Variants in PDE10A observed in about 807,000 individuals in gnomAD.
The protein encoded by PDE10A is phosphodiesterase 10A.
A neutral mutation model predicts 97.7 loss-of-function variants in PDE10A; 39 were observed. The observed-to-expected ratio is 0.40, with a 90% CI of 0.31 to 0.52. PDE10A has a LOEUF of 0.52. PDE10A is among the 20% of genes least tolerant of loss of function. PDE10A has a pLI of 0.56. For synonymous variants in PDE10A, 371 were observed against 376.8 expected, an observed-to-expected ratio of 0.98 and a Z score of 0.18; for missense variants, 731 against 1,047.8, an observed-to-expected ratio of 0.70 and a Z score of 4.17.
intron 1 of PDE10A, among the ~76,000 whole-genome samples, chr6:165,933,700 T>C (rs866698857): frequency 2.0e-4 from 31 of 152,334 alleles, no homozygotes; most frequent in Non-Finnish European, 1.0e-4. Context: ...TTTCATAGAA[T>C]ATACACATCT....
At chr6:165,598,169 A>G (rs1354720141) in intron 1 of PDE10A, among the ~76,000 whole-genome samples, 1 of 152,254 alleles carries the variant, frequency 6.6e-6, no homozygotes, top group East Asian at 1.9e-4. Context: ...TACAATACCA[A>G]CATACATTTT....
intron 17 of PDE10A, among the ~76,000 whole-genome samples, chr6:165,380,002 G>A (rs1365791619): frequency 6.6e-6 from 1 of 152,184 alleles, no homozygotes; most frequent in Non-Finnish European, 1.5e-5. Flanking sequence ...CCCAAGGGAG[G>A]TGGGAATGGC....
intron 1 of PDE10A, among the ~76,000 whole-genome samples, chr6:165,889,344 T>G (rs1040378326): frequency 1.3e-5 from 2 of 152,238 alleles, no homozygotes; most frequent in Admixed American, 1.3e-4. Context: ...CAAAATGCGC[T>G]GTTGCTAGTT....
chr6:165,891,579 C>T (rs1288560240), intron 1 of PDE10A, among the ~76,000 whole-genome samples: 2 of 152,052 alleles, frequency 1.3e-5, no homozygotes, highest in Non-Finnish European at 2.9e-5. Flanking sequence ...GAGGATGCTG[C>T]CTGTCCCTGC....
chr6:165,492,003 C>T (rs1031869541), intron 2 of PDE10A, among the ~76,000 whole-genome samples: 22 of 140,744 alleles, frequency 1.6e-4, no homozygotes, highest in Admixed American at 1.3e-3. Flanking sequence ...TCCAAATAAG[C>T]TCAATAAGAA....
chr6:165,572,652 C>T (rs1338270438), intron 1 of PDE10A, among the ~76,000 whole-genome samples: 1 of 152,214 alleles, frequency 6.6e-6, no homozygotes, highest in Non-Finnish European at 1.5e-5. Flanking sequence ...ATAATCCCAG[C>T]ACTTTGGGAA....
chr6:165,694,838 C>CA (rs74952072), intron 1 of PDE10A, among the ~76,000 whole-genome samples: 12,546 of 151,998 alleles, frequency 0.083, 826 homozygotes, highest in East Asian at 0.26. Context: ...GAAACAGAAA[C>CA]AAAAAACAAA....
intron 1 of PDE10A, among the ~76,000 whole-genome samples, chr6:165,713,049 T>C (rs1791940641): frequency 6.6e-6 from 1 of 152,216 alleles, no homozygotes; most frequent in Non-Finnish European, 1.5e-5. Context: ...AGTCATCCAG[T>C]GCGAATTGCC....
chr6:165,756,361 G>C (rs1324492028), intron 1 of PDE10A, among the ~76,000 whole-genome samples: 1 of 152,046 alleles, frequency 6.6e-6, no homozygotes. Context: ...ACTCATATAT[G>C]AACAGTCTCC....
intron 1 of PDE10A, among the ~76,000 whole-genome samples, chr6:165,628,147 G>A (rs3008032): frequency 0.14 from 21,917 of 152,106 alleles, 2,008 homozygotes; most frequent in Middle Eastern, 0.27. Flanking sequence ...CTCCAGGATC[G>A]GCTTGCCTGG....
At chr6:165,772,385 C>T (rs943994059) in intron 1 of PDE10A, among the ~76,000 whole-genome samples, 4 of 152,210 alleles carry the variant, frequency 2.6e-5, no homozygotes, top group Non-Finnish European at 4.4e-5. Context: ...GAAATCCTGA[C>T]ACTTTCCCTC....
chr6:165,695,220 A>AG (rs951100816), intron 1 of PDE10A, among the ~76,000 whole-genome samples: 2 of 151,954 alleles, frequency 1.3e-5, no homozygotes, highest in Non-Finnish European at 2.9e-5. Flanking sequence ...AAAAAAAAAA[A>AG]AAAGAAAGAA....
intron 1 of PDE10A, among the ~76,000 whole-genome samples, chr6:165,828,651 C>A (rs939608265): frequency 6.6e-6 from 1 of 152,154 alleles, no homozygotes; most frequent in Non-Finnish European, 1.5e-5. Flanking sequence ...TTTGAAAATT[C>A]GATCACAGGC....
At chr6:165,853,113 G>A (rs75368155) in intron 1 of PDE10A, among the ~76,000 whole-genome samples, 29 of 152,288 alleles carry the variant, frequency 1.9e-4, no homozygotes, top group Admixed American at 2.6e-4. Context: ...CTGTCGACCC[G>A]GAGTCTGCGT....
chr6:165,782,113 A>T (rs1778356975), intron 1 of PDE10A, among the ~76,000 whole-genome samples: 1 of 152,252 alleles, frequency 6.6e-6, no homozygotes, highest in South Asian at 2.1e-4. Flanking sequence ...TAATTAAAGT[A>T]TGTTCACCTT....
intron 1 of PDE10A, among the ~76,000 whole-genome samples, chr6:165,926,723 A>T (rs890982346): frequency 1.3e-5 from 2 of 152,170 alleles, no homozygotes; most frequent in Non-Finnish European, 2.9e-5. Flanking sequence ...CGTGTCAGAC[A>T]GGCTGGGCTC....
In PDE10A at chr6:165,418,555, T is replaced by C; in HGVS notation, c.1796+80A>G. On this transcript the variant is annotated intron_variant, in intron 11 of 21. Coordinates refer to ENST00000539869, the MANE Select transcript of PDE10A (RefSeq NM_001385079.1). The surrounding 1 kb of genome is among the most constrained non-coding windows in gnomAD (Gnocchi z 4.8). ...ATGACAAGTATTGTCAGCATACCTG[T>C]GAATAGGCACAGAAAAATGGGTAAC... 7.5e-7 allele frequency: 1 copy of C among 1,328,794 alleles called. No homozygotes were observed. Among genetic ancestry groups the C allele is most frequent in the Non-Finnish European group, 1.1e-6 (1 of 942,544 alleles). The allele number at this position is 1,328,794 out of a possible 1,614,324, so 82.3% of individuals were successfully genotyped here.
chr6:165,350,231 C>T (rs73261558), intron 18 of PDE10A, among the ~76,000 whole-genome samples: 6,423 of 152,176 alleles, frequency 0.042, 475 homozygotes, highest in African/African-American at 0.15. Flanking sequence ...GCAGAGCTTC[C>T]GAAGGCCGTG....
chr6:165,703,961 T>C (rs1249664486), intron 1 of PDE10A, among the ~76,000 whole-genome samples: 2 of 152,228 alleles, frequency 1.3e-5, no homozygotes, highest in South Asian at 4.1e-4. Context: ...AGCCAAGTCA[T>C]GGAAAGTGCA....
Sources: allele counts gnomAD v4.1 joint callset (sites outside exome capture counted in the v4.1 genomes callset), GRCh38; gene constraint gnomAD v4.1.1; non-coding constraint Gnocchi (gnomAD v3.1); transcripts MANE v1.5; gene names NCBI Gene and HGNC (gene_info 2026-07-23, HGNC 2026-07-21).